The following AP1G1 variants were observed in gnomAD, a reference collection of about 807,000 sequenced individuals.
AP1G1 encodes the protein adaptor related protein complex 1 subunit gamma 1.
In AP1G1, 7 loss-of-function variants were observed where a neutral mutation model predicts 108.3. The observed-to-expected ratio is 0.06, with a 90% CI of 0.04 to 0.12. The LOEUF (loss-of-function observed/expected upper bound fraction) is 0.12. AP1G1 is among the 10% of genes least tolerant of loss of function. The pLI is 1.00. For synonymous variants in AP1G1, 379 were observed against 353.5 expected, an observed-to-expected ratio of 1.07 and a Z score of -0.81; for missense variants, 756 against 1,010.7, an observed-to-expected ratio of 0.75 and a Z score of 3.42.
intron 12 of AP1G1, 110 bp from the exon 13 acceptor site, chr16:71,753,997 T>G (rs2030639525): frequency 2.9e-6 from 3 of 1,021,194 alleles, no homozygotes; most frequent in Admixed American, 1.9e-5. Flanking sequence ...CCCAACATCT[T>G]GGGAGGCCGA....
At position 71,771,068 on chromosome 16, in the gene AP1G1, C is replaced by T. The variant is rs993115283; in HGVS notation, c.565+88G>A. ...ACAGCAGAAACGCGACTCCACTGTT[C>T]TGAGAGACACAGGACTAACATAGCC... On this transcript the variant is annotated intron_variant, in intron 5 of 22. Transcript: ENST00000299980. The T allele has an allele frequency of 2.5e-6, 2 of 807,108 alleles. 1 individual carries two copies. Among genetic ancestry groups the T allele is most frequent in the Non-Finnish European group, 3.9e-6 (2 of 510,494 alleles). The allele number at this position is 807,108 out of a possible 1,614,324, so 50.0% of individuals were successfully genotyped here.
At chr16:71,783,675 A>G (rs1364311466) in intron 2 of AP1G1, among the ~76,000 whole-genome samples, 1 of 152,198 alleles carries the variant, frequency 6.6e-6, no homozygotes, top group Admixed American at 6.5e-5. Context: ...TGGGTATGGC[A>G]AGCAAGGCTA....
intron 2 of AP1G1, chr16:71,777,470 A>G: frequency 4.7e-6 from 1 of 214,016 alleles, no homozygotes; most frequent in Non-Finnish European, 9.9e-6. Flanking sequence ...AAAGCTGGGG[A>G]GAAAGAAGAG....
intron 2 of AP1G1, among the ~76,000 whole-genome samples, chr16:71,777,348 G>C (rs1200084519): frequency 6.6e-6 from 1 of 151,862 alleles, no homozygotes; most frequent in Non-Finnish European, 1.5e-5. Flanking sequence ...AGAAAACAAA[G>C]AGAGAGGAGC....
intron 11 of AP1G1, among the ~76,000 whole-genome samples, chr16:71,758,241 A>C (rs977067120): frequency 6.6e-6 from 1 of 152,218 alleles, no homozygotes; most frequent in Non-Finnish European, 1.5e-5. Context: ...TATTCTACAA[A>C]CATCTAGAGT....
At chr16:71,768,874 C>T (rs1262462777) in intron 6 of AP1G1, among the ~76,000 whole-genome samples, 3 of 139,612 alleles carry the variant, frequency 2.1e-5, no homozygotes, top group Admixed American at 7.5e-5. Context: ...GCCAAGATCG[C>T]GCCACTGCAC....
intron 6 of AP1G1, chr16:71,767,957 G>A (rs941141729): frequency 1.3e-6 from 2 of 1,484,062 alleles, no homozygotes; most frequent in East Asian, 4.5e-5. Context: ...GACAGATACG[G>A]GTCTCATACT....
chr16:71,731,786 TC>T lies in AP1G1; in HGVS notation c.*1271del, dbSNP rs1420052184. ...ATTTCTCAGACTGAGGAAAGGCTAT[TC>T]CTACCCTATGGTGTCCGTAAGACCT... On this transcript the variant is annotated 3_prime_UTR_variant, in exon 23 of 23. Transcript: ENST00000299980. 6.6e-6 allele frequency: 1 copy of T among 152,640 alleles called. No individual in the cohort carries two copies. The highest frequency in any genetic ancestry group is 1.5e-5 in the Non-Finnish European group (1 of 68,034). 9.5% of individuals were successfully genotyped at this position (152,640 alleles called of 1,614,324 possible). A position where few individuals can be genotyped will look rare whatever the true frequency, so the allele number is the denominator to read the frequency against.
At chr16:71,781,463 C>T (rs1427735397) in intron 2 of AP1G1, among the ~76,000 whole-genome samples, 1 of 152,212 alleles carries the variant, frequency 6.6e-6, no homozygotes, top group African/African-American at 2.4e-5. Context: ...ATGAAGTCTT[C>T]TGTGTACTGG....
At chr16:71,774,184 C>G in intron 3 of AP1G1, 2 of 297,664 alleles carry the variant, frequency 6.7e-6, no homozygotes, top group East Asian at 9.7e-5. Flanking sequence ...TCGAGACCAG[C>G]CTGGCCAACA....
chr16:71,740,309 C>G (rs2045602971), intron 19 of AP1G1, among the ~76,000 whole-genome samples: 1 of 152,160 alleles, frequency 6.6e-6, no homozygotes, highest in Non-Finnish European at 1.5e-5. Flanking sequence ...AGCATCCTCC[C>G]AGTTGTAACA....
chr16:71,739,058 C>G lies in AP1G1; in HGVS notation c.2152G>C (p.Glu718Gln). Residue 718 changes from glutamate (E) to glutamine (Q), a missense_variant, in exon 21 of 23, where the codon GAA becomes CAA. By Grantham distance (29) the Glu-to-Gln change is conservative. Transcript: ENST00000299980. ...TAYSKNGLKIEFTFERSNTNP... is the reference protein window; with the variant it reads ...TAYSKNGLKIQFTFERSNTNP... ...GTATTTGACCGTTCAAAGGTGAATTCTATCTTCAAGCCATTCTTACTGTAT... is the reference window on the plus strand; with the variant it reads ...GTATTTGACCGTTCAAAGGTGAATTGTATCTTCAAGCCATTCTTACTGTAT... 1.2e-6 allele frequency: 2 copies of G among 1,614,188 alleles called. No individual in the cohort carries two copies. Among genetic ancestry groups the G allele is most frequent in the Non-Finnish European group, 1.7e-6 (2 of 1,180,024 alleles).
intron 1 of AP1G1, among the ~76,000 whole-genome samples, chr16:71,804,825 T>C (rs751460265): frequency 3.3e-5 from 5 of 152,000 alleles, no homozygotes; most frequent in Non-Finnish European, 5.9e-5. Context: ...GAAACCAGCC[T>C]GGGCAACATG....
chr16:71,762,646 T>C (rs942451236), intron 9 of AP1G1, among the ~76,000 whole-genome samples: 5 of 152,210 alleles, frequency 3.3e-5, no homozygotes, highest in Non-Finnish European at 7.3e-5. Context: ...TGGAGCTTCC[T>C]GGAGGGCAGC....
At chr16:71,755,352 C>T (rs1434810174) in intron 12 of AP1G1, among the ~76,000 whole-genome samples, 2 of 151,862 alleles carry the variant, frequency 1.3e-5, no homozygotes, top group African/African-American at 4.8e-5. Flanking sequence ...CAGGAGGATC[C>T]CCTGAACCTG....
chr16:71,744,007 G>C (rs2030017426), intron 19 of AP1G1, among the ~76,000 whole-genome samples: 1 of 151,308 alleles, frequency 6.6e-6, no homozygotes, highest in South Asian at 2.1e-4. Context: ...CACTTTGGGA[G>C]GCCGAGGCAG....
At chr16:71,764,789 T>C in intron 7 of AP1G1, 63 bp from the exon 8 acceptor site, 1 of 1,054,350 alleles carries the variant, frequency 9.5e-7, no homozygotes, top group Non-Finnish European at 1.4e-6. Flanking sequence ...TCTCACTTGG[T>C]ATGAAATTCA....
At chr16:71,780,958 C>T (rs2031991882) in intron 2 of AP1G1, among the ~76,000 whole-genome samples, 1 of 151,974 alleles carries the variant, frequency 6.6e-6, no homozygotes, top group African/African-American at 2.4e-5. Flanking sequence ...GCTGGAATTA[C>T]ATGCATGAGC....
At chr16:71,748,114 A>G in intron 16 of AP1G1, 137 bp downstream of exon 16, 1 of 876,474 alleles carries the variant, frequency 1.1e-6, no homozygotes, top group Non-Finnish European at 1.7e-6. Context: ...TGGAGAAATA[A>G]GTAATGGAAA....
Sources: gnomAD v4.1 joint callset for allele counts (sites outside exome capture counted in the v4.1 genomes callset) on GRCh38, gnomAD v4.1.1 for gene constraint, MANE v1.5 for transcripts, NCBI Gene and HGNC (gene_info 2026-07-23, HGNC 2026-07-21) for gene names.